NOTCH2NLR: variants seen among roughly 807,000 people sequenced by gnomAD.
The protein encoded by NOTCH2NLR is notch 2 N-terminal like R.
Under a neutral mutation model 35.6 loss-of-function variants are expected in NOTCH2NLR, and 33 were observed. The ratio of observed to expected loss-of-function variants is 0.93; its 90% CI spans 0.70 to 1.24. NOTCH2NLR has a LOEUF of 1.24. Among genes scored for constraint, NOTCH2NLR ranks in the 50% most tolerant of loss-of-function variants. The probability of loss-of-function intolerance (pLI) is 0.00; values close to 1 mark genes in which losing one functional copy is unlikely to be tolerated. For missense variants in NOTCH2NLR, 276 were observed against 362.2 expected, an observed-to-expected ratio of 0.76 and a Z score of 1.93; for synonymous variants, 103 against 141.0, an observed-to-expected ratio of 0.73 and a Z score of 1.91.
chr1:120,793,687 T>A, intron 4 of NOTCH2NLR, 60 bp from the exon 5 acceptor site: 1 of 621,246 alleles, frequency 1.6e-6, no homozygotes, highest in Middle Eastern at 2.5e-4. Context: ...GGGGATAATT[T>A]AGCATGTCAG....
Position 120,793,335 on chromosome 1 carries a change from C to G in NOTCH2NLR, c.590C>G (p.Thr197Ser), listed in dbSNP as rs1307199552. 5.0e-6 allele frequency: 7 copies of G among 1,390,868 alleles called. 2 individuals carry two copies. The Admixed American group carries it at 1.4e-4, about 27-fold the overall frequency. 86.2% of individuals were successfully genotyped at this position (1,390,868 alleles called of 1,614,324 possible). A position where few individuals can be genotyped will look rare whatever the true frequency, so the allele number is the denominator to read the frequency against. Residue 197 changes from threonine to serine, a missense_variant, in exon 4 of 5, where the codon ACC becomes AGC. Transcript: ENST00000624419. ...CCAGGACACTGCCAGCATGGTGGCA[C>G]CTGCCTCAACCTGCCTGGTTCCTAC...
chr1:120,793,813 C>G, exon 5 of NOTCH2NLR: 3 of 957,692 alleles, frequency 3.1e-6, no homozygotes, highest in Non-Finnish European at 4.7e-6. Flanking sequence ...TGGAAAAGAA[C>G]ACGATGAGAA....
Position 120,763,669 on chromosome 1 carries a change from G to A in NOTCH2NLR, c.115G>A (p.Gly39Arg). 3 of 1,419,392 alleles carry A rather than the reference G, an allele frequency of 2.1e-6. 1 individual carries two copies. Among genetic ancestry groups the A allele is most frequent in the South Asian group, 1.2e-5 (1 of 82,546 alleles). The allele number at this position is 1,419,392 out of a possible 1,614,324, so 87.9% of individuals were successfully genotyped here. Residue 39 changes from glycine (G) to arginine (R), a missense_variant, in exon 2 of 5, where the codon GGA (glycine) becomes AGA (arginine). Gly to Arg is a moderately radical substitution (Grantham distance 125, BLOSUM62 -2). Transcript: ENST00000624419. ...TGGCTATGAACCCTGTGTAAATAAAGGAATGTGTGTTACCTACCACAGTGG... is the reference window on the plus strand; with the variant it reads ...TGGCTATGAACCCTGTGTAAATAAAAGAATGTGTGTTACCTACCACAGTGG...
chr1:120,759,267 CTTTTTTTT>C (rs1169932555), intron 1 of NOTCH2NLR, among the ~76,000 whole-genome samples: 1 of 33,320 alleles, frequency 3.0e-5, no homozygotes. Flanking sequence ...CTTCTTTTTG[CTTTTTTTT>C]TTTTTTTTTT....
At chr1:120,787,691 TGTA>T (rs1228076019) in intron 3 of NOTCH2NLR, among the ~76,000 whole-genome samples, 1 of 36,220 alleles carries the variant, frequency 2.8e-5, no homozygotes, top group African/African-American at 3.5e-4. Context: ...TTACACCTGA[TGTA>T]GTACAACTAT....
At chr1:120,784,695 C>T (rs1376882496) in intron 2 of NOTCH2NLR, among the ~76,000 whole-genome samples, 1 of 118,198 alleles carries the variant, frequency 8.5e-6, no homozygotes, top group Non-Finnish European at 1.6e-5. Context: ...ATCTATTGTG[C>T]ATCTTTTACT....
downstream of NOTCH2NLR, among the ~76,000 whole-genome samples, chr1:120,794,234 A>T (rs1200598537): frequency 8.7e-6 from 1 of 114,336 alleles, no homozygotes; most frequent in Non-Finnish European, 1.7e-5. Context: ...TAAAAAGAGG[A>T]GCAGTGTCGG....
intron 2 of NOTCH2NLR, among the ~76,000 whole-genome samples, chr1:120,770,935 T>G (rs2101428064): frequency 9.0e-6 from 1 of 110,664 alleles, no homozygotes; most frequent in Non-Finnish European, 1.7e-5. Flanking sequence ...TAGGCCTGAG[T>G]ACCTCATATC....
chr1:120,777,714 G>C (rs1651314520), intron 2 of NOTCH2NLR, among the ~76,000 whole-genome samples: 1 of 83,516 alleles, frequency 1.2e-5, no homozygotes, highest in Non-Finnish European at 2.1e-5. Context: ...GCAAGAAGTA[G>C]TATGACAGAG....
intron 1 of NOTCH2NLR, 23 bp downstream of exon 1, chr1:120,724,273 C>T: frequency 7.2e-7 from 1 of 1,382,544 alleles, no homozygotes; most frequent in Non-Finnish European, 9.5e-7. Flanking sequence ...CTGAGGGGCG[C>T]TGTCCGCGGC....
chr1:120,724,465 C>A (rs1308170067), intron 1 of NOTCH2NLR, among the ~76,000 whole-genome samples: 4 of 121,348 alleles, frequency 3.3e-5, no homozygotes, highest in Non-Finnish European at 6.5e-5. Flanking sequence ...CCTCTGCTCC[C>A]CGCGGCCCGG....
At chr1:120,777,909 G>C in intron 2 of NOTCH2NLR, among the ~76,000 whole-genome samples, 1 of 99,570 alleles carries the variant, frequency 1.0e-5, no homozygotes, top group Non-Finnish European at 1.8e-5. Context: ...AGTGAGTTTA[G>C]ACCAATAGGT....
At chr1:120,726,083 G>GA (rs1250865150) in intron 1 of NOTCH2NLR, among the ~76,000 whole-genome samples, 1 of 101,128 alleles carries the variant, frequency 9.9e-6, no homozygotes, top group Non-Finnish European at 1.8e-5. Flanking sequence ...AAAGTGATTT[G>GA]AAAAATTAAG....
exon 1 of NOTCH2NLR, chr1:120,724,035 G>A: frequency 8.0e-7 from 1 of 1,252,200 alleles, no homozygotes; most frequent in Non-Finnish European, 1.0e-6. Flanking sequence ...GGGCTTCGGA[G>A]CGTAGCGCCA....
chr1:120,778,343 A>G (rs2101438849), intron 2 of NOTCH2NLR, among the ~76,000 whole-genome samples: 1 of 93,934 alleles, frequency 1.1e-5, no homozygotes, highest in Non-Finnish European at 1.9e-5. Flanking sequence ...AAGTGGGTTG[A>G]AAGCAGAGTT....
chr1:120,769,410 ACTTTCT>A (rs1461629641), intron 2 of NOTCH2NLR, among the ~76,000 whole-genome samples: 4 of 136,604 alleles, frequency 2.9e-5, no homozygotes, highest in African/African-American at 1.2e-4. Flanking sequence ...CTGTTAAATT[ACTTTCT>A]CTTTCTTCTC....
At chr1:120,778,612 A>T (rs1362266727) in intron 2 of NOTCH2NLR, among the ~76,000 whole-genome samples, 547 of 34,446 alleles carry the variant, frequency 0.016, 33 homozygotes, top group Non-Finnish European at 0.022. Context: ...CCTCGTTTTA[A>T]AAAAAAAAAA....
rs1454830906 is a variant in NOTCH2NLR, at chr1:120,790,862, A to C, written c.416-2299A>C. On this transcript the variant is annotated intron_variant, in intron 3 of 4. Coordinates refer to ENST00000624419, the Ensembl canonical transcript of NOTCH2NLR. Reference sequence around the variant, plus strand: ...TGATCTGCCCACCTCAGCCTCCCAAAGTGCTGGGATTACAGGCATCAGCCA... The same window carrying C: ...TGATCTGCCCACCTCAGCCTCCCAACGTGCTGGGATTACAGGCATCAGCCA... 2.0e-5 allele frequency among the ~76,000 whole-genome samples: 2 copies of C among 99,056 alleles called. 1 individual carries two copies. The highest frequency in any genetic ancestry group is 3.7e-5 in the Non-Finnish European group (2 of 54,658). The allele number at this position is 99,056 out of a possible 152,430, so 65.0% of individuals were successfully genotyped here. A position where few individuals can be genotyped will look rare whatever the true frequency, so the allele number is the denominator to read the frequency against.
At chr1:120,777,682 G>C (rs1184584050) in intron 2 of NOTCH2NLR, among the ~76,000 whole-genome samples, 1 of 70,794 alleles carries the variant, frequency 1.4e-5, no homozygotes, top group African/African-American at 1.2e-4. Context: ...GAGAAGGGGG[G>C]GTTGAGAGTA....
Sources: allele counts gnomAD v4.1 joint callset (sites outside exome capture counted in the v4.1 genomes callset), GRCh38; gene constraint gnomAD v4.1.1; transcripts MANE v1.5; gene names NCBI Gene and HGNC (gene_info 2026-07-23, HGNC 2026-07-21).